Variants in UTY observed in about 807,000 individuals in gnomAD.
UTY encodes the protein ubiquitously transcribed tetratricopeptide repeat containing, Y-linked.
In UTY, 12 loss-of-function variants were observed where a neutral mutation model predicts 32.5. The observed-to-expected ratio is 0.37, with a 90% CI of 0.24 to 0.60. The LOEUF (loss-of-function observed/expected upper bound fraction) is 0.60. Among genes scored for constraint, UTY ranks in the 20% least tolerant of loss-of-function variants. UTY has a pLI of 0.69. For synonymous variants in UTY, 131 were observed against 103.4 expected, an observed-to-expected ratio of 1.27 and a Z score of -1.62; for missense variants, 303 against 299.2, an observed-to-expected ratio of 1.01 and a Z score of -0.09.
At chrY:13,315,557 G>A (rs2059436162) in intron 21 of UTY, among the ~76,000 whole-genome samples, 1 of 33,866 alleles carries the variant, frequency 3.0e-5, no homozygotes, top group East Asian at 7.9e-4. Context: ...GCAGTGAGCT[G>A]AGATCACACC....
chrY:13,399,229 T>C (rs2068652350), intron 6 of UTY, among the ~76,000 whole-genome samples: 1 of 33,026 alleles, frequency 3.0e-5, no homozygotes, highest in African/African-American at 1.2e-4. Context: ...TAAAAAGGAA[T>C]TCTGAAACAC....
chrY:13,239,976 AAAAGG>A (rs2053882593), intron 28 of UTY, among the ~76,000 whole-genome samples: 2 of 33,617 alleles, frequency 5.9e-5, no homozygotes, highest in Non-Finnish European at 1.5e-4. Context: ...GCAATAAGAG[AAAAGG>A]AAAGAAATAG....
At chrY:13,474,004 C>T (rs2078797227) in intron 2 of UTY, among the ~76,000 whole-genome samples, 1 of 33,074 alleles carries the variant, frequency 3.0e-5, no homozygotes, top group Admixed American at 2.8e-4. Context: ...AATCCCAGCA[C>T]TTTAGGAGGC....
intron 27 of UTY, among the ~76,000 whole-genome samples, chrY:13,274,925 C>G: frequency 3.1e-5 from 1 of 32,633 alleles, no homozygotes; most frequent in South Asian, 6.7e-4. Context: ...TTAGGTATAA[C>G]AATGGTATGG....
chrY:13,464,954 T>G (rs745567123), intron 3 of UTY, among the ~76,000 whole-genome samples: 1 of 31,955 alleles, frequency 3.1e-5, no homozygotes, highest in South Asian at 7.1e-4. Flanking sequence ...GGCGGGCACC[T>G]GCAGTCCCAG....
At chrY:13,405,705 C>T in intron 6 of UTY, among the ~76,000 whole-genome samples, 2 of 32,039 alleles carry the variant, frequency 6.2e-5, no homozygotes, top group African/African-American at 2.4e-4. Flanking sequence ...CCAATTATTA[C>T]GTGTCAATTA....
intron 28 of UTY, among the ~76,000 whole-genome samples, chrY:13,236,029 G>C (rs2053848460): frequency 9.0e-5 from 3 of 33,515 alleles, no homozygotes; most frequent in Admixed American, 8.2e-4. Context: ...GACTCACAAA[G>C]TACTGGGTTT....
intron 2 of UTY, among the ~76,000 whole-genome samples, chrY:13,478,591 A>C (rs755073110): frequency 1.2e-4 from 4 of 32,713 alleles, no homozygotes; most frequent in Non-Finnish European, 3.0e-4. Context: ...GCAGCCATTA[A>C]CTAAACGACA....
chrY:13,252,112 G>A (rs2054245429), intron 28 of UTY, among the ~76,000 whole-genome samples: 2 of 26,359 alleles, frequency 7.6e-5, no homozygotes, highest in African/African-American at 1.5e-4. Flanking sequence ...CCCGGGAGGC[G>A]GAGCTTGCAG....
chrY:13,243,110 C>T, intron 28 of UTY, among the ~76,000 whole-genome samples: 1 of 31,213 alleles, frequency 3.2e-5, no homozygotes, highest in African/African-American at 1.3e-4. Flanking sequence ...TGGTAGATGC[C>T]AGTAGTTCCA....
intron 27 of UTY, among the ~76,000 whole-genome samples, chrY:13,285,317 A>G (rs2057293212): frequency 3.0e-5 from 1 of 33,441 alleles, no homozygotes; most frequent in Non-Finnish European, 7.4e-5. Context: ...CAGAGGGAAA[A>G]AAAAATAAGA....
At chrY:13,447,409 A>G (rs2076012630) in intron 4 of UTY, among the ~76,000 whole-genome samples, 1 of 33,585 alleles carries the variant, frequency 3.0e-5, no homozygotes, top group Non-Finnish European at 7.4e-5. Flanking sequence ...ATCTGAATAA[A>G]GAATGAACTT....
intron 21 of UTY, among the ~76,000 whole-genome samples, chrY:13,316,285 C>T: frequency 3.0e-5 from 1 of 33,159 alleles, no homozygotes; most frequent in African/African-American, 1.2e-4. Flanking sequence ...TGTTCGAGAT[C>T]CGAAGTTTAT....
intron 8 of UTY, among the ~76,000 whole-genome samples, chrY:13,374,427 T>A (rs2065234482): frequency 3.0e-5 from 1 of 33,889 alleles, no homozygotes; most frequent in Non-Finnish European, 7.3e-5. Flanking sequence ...GAAATTAGTA[T>A]ATAAAAGTGT....
At chrY:13,410,400 T>TA (rs775844619) in intron 6 of UTY, among the ~76,000 whole-genome samples, 3 of 33,088 alleles carry the variant, frequency 9.1e-5, no homozygotes, top group African/African-American at 3.5e-4. Context: ...AGCAAAAAAG[T>TA]AAAAAAAATT....
intron 12 of UTY, among the ~76,000 whole-genome samples, 173 bp downstream of exon 12, chrY:13,359,585 AACATAGTTT>A (rs2063305676): frequency 2.9e-5 from 1 of 33,931 alleles, no homozygotes; most frequent in Admixed American, 2.7e-4. Flanking sequence ...TGTGCAAAAG[AACATAGTTT>A]ACATACTGCA....
intron 8 of UTY, among the ~76,000 whole-genome samples, chrY:13,380,065 A>G (rs867340775): frequency 1.4e-4 from 1 of 7,177 alleles, no homozygotes; most frequent in Non-Finnish European, 2.5e-4. Context: ...GTGTGTGTAT[A>G]TATATATATA....
intron 3 of UTY, among the ~76,000 whole-genome samples, chrY:13,452,819 G>A: frequency 2.9e-5 from 1 of 34,026 alleles, no homozygotes; most frequent in Non-Finnish European, 7.3e-5. Context: ...GAAAGAACCA[G>A]ACGTAAATGT....
At chrY:13,403,607 T>G in intron 6 of UTY, among the ~76,000 whole-genome samples, 1 of 33,984 alleles carries the variant, frequency 2.9e-5, no homozygotes, top group African/African-American at 1.1e-4. Flanking sequence ...TTAAAACTTA[T>G]GAATTGCTTG....
Sources: allele counts gnomAD v4.1 joint callset (sites outside exome capture counted in the v4.1 genomes callset), GRCh38; gene constraint gnomAD v4.1.1; transcripts MANE v1.5; gene names NCBI Gene and HGNC (gene_info 2026-07-23, HGNC 2026-07-21).